SPOCK3: variants seen among roughly 807,000 people sequenced by gnomAD.
SPOCK3 encodes the protein testican-3.
A neutral mutation model predicts 56.6 loss-of-function variants in SPOCK3; 30 were observed. The observed-to-expected ratio is 0.53, with a 90% confidence interval of 0.40 to 0.72. The LOEUF is 0.72. SPOCK3 is among the 30% of genes least tolerant of loss of function. SPOCK3 has a pLI of 0.00. For missense variants in SPOCK3, 527 were observed against 530.0 expected (o/e 0.99, Z 0.06); for synonymous variants, 196 against 183.3 (o/e 1.07, Z -0.56).
chr4:166,850,739 C>T (rs976733120), intron 6 of SPOCK3, among the ~76,000 whole-genome samples: 7 of 152,230 alleles, frequency 4.6e-5, no homozygotes, highest in African/African-American at 9.6e-5. Context: ...CACTCCCGCC[C>T]GAATACTGCG....
chr4:166,991,624 C>G (rs1249813394), intron 4 of SPOCK3, among the ~76,000 whole-genome samples: 1 of 152,104 alleles, frequency 6.6e-6, no homozygotes, highest in Non-Finnish European at 1.5e-5. Context: ...CCCACCTCAG[C>G]CTCCCAAAGT....
chr4:167,057,437 T>C (rs1319457801), intron 3 of SPOCK3, among the ~76,000 whole-genome samples: 5 of 151,914 alleles, frequency 3.3e-5, no homozygotes, highest in Non-Finnish European at 5.9e-5. Flanking sequence ...CACATAACAA[T>C]ATTAACTTTA....
At chr4:166,745,537 C>A (rs181849923) in intron 8 of SPOCK3, among the ~76,000 whole-genome samples, 1 of 152,222 alleles carries the variant, frequency 6.6e-6, no homozygotes, top group East Asian at 1.9e-4. Context: ...CAAAAACATG[C>A]CAAATTGTAA....
intron 7 of SPOCK3, among the ~76,000 whole-genome samples, chr4:166,791,391 T>C (rs1741333179): frequency 2.0e-5 from 3 of 152,136 alleles, no homozygotes. Context: ...ACACATCTGG[T>C]TCTTCTTTGT....
At position 167,205,254 on chromosome 4, in the gene SPOCK3, T is replaced by G. The variant is rs1311864877; in HGVS notation, c.189+28731A>C. On this transcript the variant is annotated intron_variant, in intron 2 of 10. Coordinates refer to ENST00000357545, the MANE Select transcript of SPOCK3 (RefSeq NM_001040159.2). ...TCTATAATACATATTATATATTATA[T>G]ATATTTTATATCTATAATATATATT... is the stretch of plus-strand genomic sequence containing the variant. Among the ~76,000 whole-genome samples, 54 of 80,756 alleles carry G rather than the reference T, an allele frequency of 6.7e-4. 1 individual carries two copies. Among genetic ancestry groups the G allele is most frequent in the East Asian group, 1.9e-3 (6 of 3,212 alleles). 53.0% of individuals were successfully genotyped at this position (80,756 alleles called of 152,430 possible).
intron 2 of SPOCK3, among the ~76,000 whole-genome samples, chr4:167,125,978 A>G (rs986052482): frequency 1.3e-5 from 2 of 152,200 alleles, no homozygotes; most frequent in African/African-American, 4.8e-5. Flanking sequence ...AGCACAATCC[A>G]GAAGTTACAC....
chr4:166,820,803 G>C (rs1381881752), intron 6 of SPOCK3, among the ~76,000 whole-genome samples: 1 of 151,954 alleles, frequency 6.6e-6, no homozygotes, highest in South Asian at 2.1e-4. Flanking sequence ...GAGTGACAGA[G>C]TAAGACCCGT....
intron 4 of SPOCK3, among the ~76,000 whole-genome samples, chr4:166,943,649 T>C (rs1741374050): frequency 6.6e-6 from 1 of 152,190 alleles, no homozygotes; most frequent in Non-Finnish European, 1.5e-5. Context: ...CTATTTTGCT[T>C]ACATGAGATA....
chr4:166,872,656 A>C (rs924844810), intron 6 of SPOCK3, among the ~76,000 whole-genome samples: 2 of 152,204 alleles, frequency 1.3e-5, no homozygotes, highest in African/African-American at 4.8e-5. Context: ...ACATCAAAGA[A>C]ACTTAAATAA....
chr4:166,989,749 A>G (rs941604978), intron 4 of SPOCK3, among the ~76,000 whole-genome samples: 23 of 152,198 alleles, frequency 1.5e-4, no homozygotes, highest in African/African-American at 5.5e-4. Context: ...TAAATTTCAA[A>G]TAGATTTATT....
At chr4:167,205,381 ATATATATATTT>A (rs1734078280) in intron 2 of SPOCK3, among the ~76,000 whole-genome samples, 1 of 42,610 alleles carries the variant, frequency 2.3e-5, no homozygotes, top group South Asian at 5.5e-4. Flanking sequence ...TATATATATA[ATATATATATTT>A]TATATATAAT....
intron 6 of SPOCK3, among the ~76,000 whole-genome samples, chr4:166,880,836 C>T (rs959851326): frequency 6.6e-6 from 1 of 152,264 alleles, no homozygotes; most frequent in South Asian, 2.1e-4. Context: ...ACTGCTCATG[C>T]TCCTCCATTC....
intron 6 of SPOCK3, among the ~76,000 whole-genome samples, chr4:166,843,177 A>G (rs1426270020): frequency 1.3e-5 from 2 of 150,226 alleles, no homozygotes; most frequent in Non-Finnish European, 3.0e-5. Context: ...CTCCCTCCAC[A>G]CCCCCCCGCA....
chr4:167,016,543 C>CTT (rs555463084), intron 3 of SPOCK3, among the ~76,000 whole-genome samples: 2 of 142,684 alleles, frequency 1.4e-5, no homozygotes, highest in Non-Finnish European at 1.5e-5. Context: ...CCCAGAAAAT[C>CTT]TTTTTTTTTT....
Position 167,192,720 on chromosome 4 carries a change from C to T in SPOCK3, c.189+41265G>A, listed in dbSNP as rs141750741. 5.8e-4 allele frequency among the ~76,000 whole-genome samples: 84 copies of T among 144,566 alleles called. 11 individuals are homozygous for T. In the East Asian group the frequency reaches 0.016, roughly 28 times the overall value. 94.8% of individuals were successfully genotyped at this position (144,566 alleles called of 152,430 possible). A position where few individuals can be genotyped will look rare whatever the true frequency, so the allele number is the denominator to read the frequency against. ...TTATTTGTTTGAAATTATTTTTTTT[C>T]GACGTAGGTATTTATCACTATAAGC... On this transcript the variant is annotated intron_variant, in intron 2 of 10. Transcript: ENST00000357545.
chr4:166,848,325 A>C (rs1022957400), intron 6 of SPOCK3, among the ~76,000 whole-genome samples: 6 of 152,152 alleles, frequency 3.9e-5, no homozygotes, highest in Non-Finnish European at 7.4e-5. Context: ...AAGGGGAAAA[A>C]ATACTAAAAC....
chr4:166,787,744 A>G (rs1198843357), intron 7 of SPOCK3, among the ~76,000 whole-genome samples: 2 of 152,192 alleles, frequency 1.3e-5, no homozygotes, highest in Admixed American at 1.3e-4. Context: ...ATTTAATAAA[A>G]CATAGTGATG....
intron 8 of SPOCK3, among the ~76,000 whole-genome samples, chr4:166,745,191 T>C (rs918043617): frequency 1.3e-5 from 2 of 152,072 alleles, no homozygotes; most frequent in Non-Finnish European, 2.9e-5. Context: ...AATTTTCATA[T>C]GCACCAAGGT....
intron 4 of SPOCK3, among the ~76,000 whole-genome samples, chr4:166,966,599 C>T (rs11932011): frequency 0.017 from 2,619 of 152,080 alleles, 91 homozygotes; most frequent in African/African-American, 0.06. Context: ...TATTTTATAC[C>T]GCAGTTTCTG....
Sources: gnomAD v4.1 joint callset for allele counts (sites outside exome capture counted in the v4.1 genomes callset) on GRCh38, gnomAD v4.1.1 for gene constraint, MANE v1.5 for transcripts, NCBI Gene and HGNC (gene_info 2026-07-23, HGNC 2026-07-21) for gene names.